LGSN: variants seen among roughly 807,000 people sequenced by gnomAD.
LGSN encodes lengsin, lens protein with glutamine synthetase domain, also known as lengsin.
Under a neutral mutation model 19.5 loss-of-function variants are expected in LGSN, and 21 were observed. That is an observed-to-expected ratio of 1.07 (90% CI 0.76 to 1.55). The LOEUF (loss-of-function observed/expected upper bound fraction) is 1.55. LGSN is among the 40% of genes most tolerant of loss of function. LGSN has a pLI of 0.00. For synonymous variants in LGSN, 257 were observed against 215.6 expected (o/e 1.19, Z -1.68); for missense variants, 673 against 608.5 (o/e 1.11, Z -1.12).
chr6:63,472,632 C>G, the LGSN span, among the ~76,000 whole-genome samples: 1 of 152,124 alleles, frequency 6.6e-6, no homozygotes, highest in Non-Finnish European at 1.5e-5. Context: ...AAAGACAGCC[C>G]CCTCCTTAAA....
the LGSN span, among the ~76,000 whole-genome samples, chr6:63,450,946 A>T: frequency 6.6e-6 from 1 of 152,168 alleles, no homozygotes; most frequent in African/African-American, 2.4e-5. Flanking sequence ...AAGTGCTAGG[A>T]TTACAGGTGT....
chr6:63,369,395 G>C, the LGSN span, among the ~76,000 whole-genome samples: 2 of 152,168 alleles, frequency 1.3e-5, no homozygotes, highest in African/African-American at 4.8e-5. Flanking sequence ...ATACTGAAAG[G>C]CTCCTGTTGT....
At chr6:63,293,509 T>C (rs1457080273) in intron 2 of LGSN, among the ~76,000 whole-genome samples, 2 of 152,194 alleles carry the variant, frequency 1.3e-5, no homozygotes, top group Non-Finnish European at 2.9e-5. Flanking sequence ...ACAAAGTATT[T>C]TATAAAAGAT....
At chr6:63,501,067 A>G in the LGSN span, among the ~76,000 whole-genome samples, 4 of 151,966 alleles carry the variant, frequency 2.6e-5, no homozygotes, top group African/African-American at 9.7e-5. Flanking sequence ...TTGCTTTTTT[A>G]AAAAAGGAAA....
the LGSN span, among the ~76,000 whole-genome samples, chr6:63,445,946 G>T: frequency 6.6e-6 from 1 of 151,862 alleles, no homozygotes; most frequent in Non-Finnish European, 1.5e-5. Context: ...CTTGACAATG[G>T]CCTACAAAGT....
the LGSN span, among the ~76,000 whole-genome samples, chr6:63,544,479 G>T: frequency 6.6e-6 from 1 of 150,898 alleles, no homozygotes; most frequent in Non-Finnish European, 1.5e-5. Flanking sequence ...CAGGCAATTA[G>T]CATCAATACA....
At chr6:63,442,487 C>A in the LGSN span, among the ~76,000 whole-genome samples, 1 of 152,302 alleles carries the variant, frequency 6.6e-6, no homozygotes, top group South Asian at 2.1e-4. Flanking sequence ...CTGACCTAGA[C>A]ACAGAGTGCT....
chr6:63,554,353 A>T, the LGSN span, among the ~76,000 whole-genome samples: 1 of 152,222 alleles, frequency 6.6e-6, no homozygotes, highest in South Asian at 2.1e-4. Flanking sequence ...GAACTTGACC[A>T]GAAATTCTTA....
the LGSN span, among the ~76,000 whole-genome samples, chr6:63,344,361 AC>A: frequency 6.6e-6 from 1 of 152,228 alleles, no homozygotes; most frequent in African/African-American, 2.4e-5. Flanking sequence ...ATCCAGTCAA[AC>A]TATCAAACAA....
chr6:63,465,240 G>A, the LGSN span, among the ~76,000 whole-genome samples: 3 of 152,026 alleles, frequency 2.0e-5, no homozygotes, highest in South Asian at 6.2e-4. Context: ...GAGTGCAATG[G>A]CTCCATCTCG....
At chr6:63,456,472 C>T in the LGSN span, among the ~76,000 whole-genome samples, 4 of 148,910 alleles carry the variant, frequency 2.7e-5, no homozygotes, top group African/African-American at 7.4e-5. Flanking sequence ...CTCAAGCGCC[C>T]CTCAGCCTCC....
the LGSN span, among the ~76,000 whole-genome samples, chr6:63,487,800 G>C: frequency 1.3e-5 from 2 of 152,154 alleles, no homozygotes; most frequent in Non-Finnish European, 2.9e-5. Context: ...GGCCAATGTG[G>C]TGAAACCCCA....
the LGSN span, among the ~76,000 whole-genome samples, chr6:63,342,896 C>T: frequency 2.0e-5 from 3 of 152,176 alleles, no homozygotes. Context: ...GTCACACTGA[C>T]CATTAACCAT....
chr6:63,368,538 C>A, the LGSN span, among the ~76,000 whole-genome samples: 5 of 152,094 alleles, frequency 3.3e-5, no homozygotes, highest in African/African-American at 1.2e-4. Context: ...AAAAGGTCAC[C>A]TTTTCAGTAA....
the LGSN span, among the ~76,000 whole-genome samples, chr6:63,366,480 G>A: frequency 3.9e-5 from 6 of 152,180 alleles, no homozygotes; most frequent in African/African-American, 1.4e-4. Flanking sequence ...CTCATGGATA[G>A]GAAGAATCTG....
chr6:63,353,594 A>AG, the LGSN span, among the ~76,000 whole-genome samples: 2 of 149,002 alleles, frequency 1.3e-5, no homozygotes, highest in Non-Finnish European at 3.0e-5. Context: ...GTAGCAAAAA[A>AG]AAAAAAAAAA....
chr6:63,567,938 A>G, the LGSN span, among the ~76,000 whole-genome samples: 14 of 152,084 alleles, frequency 9.2e-5, no homozygotes, highest in African/African-American at 2.7e-4. Context: ...TCATGAATCC[A>G]CCTCTGCTAT....
chr6:63,329,402 T>A, the LGSN span, among the ~76,000 whole-genome samples: 2 of 152,226 alleles, frequency 1.3e-5, no homozygotes, highest in African/African-American at 4.8e-5. Flanking sequence ...TACAACTGGA[T>A]ATAGTGGAAT....
chr6:63,355,155 T>C, the LGSN span, among the ~76,000 whole-genome samples: 1 of 152,220 alleles, frequency 6.6e-6, no homozygotes, highest in Non-Finnish European at 1.5e-5. Context: ...GAAAAGGTGA[T>C]GTGTATCCTA....
Sources: gnomAD v4.1 joint callset for allele counts (sites outside exome capture counted in the v4.1 genomes callset) on GRCh38, gnomAD v4.1.1 for gene constraint, MANE v1.5 for transcripts, NCBI Gene and HGNC (gene_info 2026-07-23, HGNC 2026-07-21) for gene names.